Variants in HAGH observed in about 807,000 individuals in gnomAD.
HAGH encodes hydroxyacylglutathione hydrolase, also known as hydroxyacylglutathione hydrolase, mitochondrial.
In HAGH, 29 loss-of-function variants were observed where a neutral mutation model predicts 35.1. That is an observed-to-expected ratio of 0.83 (90% CI 0.62 to 1.13). The LOEUF is 1.13. Ranked by LOEUF, HAGH falls within the 50% of genes most tolerant of loss-of-function variation. HAGH has a pLI of 0.00. For missense variants in HAGH, 478 were observed against 419.6 expected (o/e 1.14, Z -1.22); for synonymous variants, 225 against 176.1 (o/e 1.28, Z -2.20).
rs548437625 is a variant in HAGH at position 1,826,761 on chromosome 16, G to A, written c.27C>T (p.Gly9=). 2.3e-5 allele frequency: 28 copies of A among 1,208,252 alleles called. No homozygotes were observed. The South Asian group carries it at 8.6e-4, about 37-fold the overall frequency. The allele number at this position is 1,208,252 out of a possible 1,614,324, so 74.8% of individuals were successfully genotyped here. The part of the protein sequence containing the change: MVVGRGLL[G]RRSLAALGAA... ...CTCCCAGCGCGGCGAGGCTGCGGCG[G>A]CCGAGCAGCCCTCGGCCCACCACCA... The change falls in exon 1 of 9, where the codon GGC becomes GGT. Residue 9 remains glycine (G), a synonymous_variant. Coordinates refer to ENST00000397356, the MANE Select transcript of HAGH (RefSeq NM_005326.6).
In HAGH at chr16:1,822,306, TG is replaced by T; in HGVS notation, c.307del (p.His103ThrfsTer19). The T allele has an allele frequency of 6.2e-7, 1 of 1,607,020 alleles. No homozygotes were observed. Among genetic ancestry groups the T allele is most frequent in the Non-Finnish European group, 8.5e-7 (1 of 1,174,288 alleles). On this transcript the variant is annotated frameshift_variant, in exon 3 of 9. Transcript: ENST00000397356. LOFTEE classifies it high-confidence loss of function. ...VKLTTVLTTH[H>X]HWDHAGGNEK... ...GGTGAGACGCGGCACTTACCAGTGG[TG>T]GTGGGTGGTGAGCACTGTGGTCAGT...
chr16:1,810,643 A>C (rs1897605386), intron 7 of HAGH: 1 of 153,116 alleles, frequency 6.5e-6, no homozygotes. Context: ...ACAGGGCGGC[A>C]ACAGCGGGGT....
intron 5 of HAGH, 33 bp from the exon 6 acceptor site, chr16:1,817,304 A>G (rs1336863691): frequency 7.3e-7 from 1 of 1,366,104 alleles, no homozygotes; most frequent in East Asian, 2.3e-5. Context: ...GGTGGGGGCC[A>G]CTTGAGGCTG....
chr16:1,826,999 C>T, upstream of HAGH: 1 of 666,424 alleles, frequency 1.5e-6, no homozygotes, highest in Non-Finnish European at 2.3e-6. Context: ...GGAGCGGCGG[C>T]GGCGGCCCGA....
rs948595017 is a variant in HAGH, at chr16:1,809,891, C to A, written c.748-58G>T. On this transcript the variant is annotated intron_variant, in intron 7 of 8. Coordinates refer to ENST00000397356, the MANE Select transcript of HAGH (RefSeq NM_005326.6). The stretch of plus-strand genomic sequence containing the variant: ...ACTTCACAGGATGGCAGACCAGGCA[C>A]GGAGGCTCACGTCTGTGATACCAGC... 6.3e-6 allele frequency: 8 copies of A among 1,275,980 alleles called. No individual in the cohort carries two copies. In the Admixed American group the frequency reaches 1.3e-4, roughly 22 times the overall value. The allele number at this position is 1,275,980 out of a possible 1,614,324, so 79.0% of individuals were successfully genotyped here.
In HAGH at chr16:1,820,005, A is replaced by G; in HGVS notation, c.324T>C (p.Ala108=). The G allele has an allele frequency of 6.2e-7, 1 of 1,611,088 alleles. No homozygotes were observed. Among genetic ancestry groups the G allele is most frequent in the African/African-American group, 1.3e-5 (1 of 74,972 alleles). Reference sequence around the variant, plus strand: ...GCTTGACCAGTTTCTCATTCCCGCCAGCATGGTCCCTAGAAGTCAAACAGG... The same window carrying G: ...GCTTGACCAGTTTCTCATTCCCGCCGGCATGGTCCCTAGAAGTCAAACAGG... ...VLTTHHHWDH[A]GGNEKLVKLE... Residue 108 remains alanine, a synonymous_variant, in exon 4 of 9, where the codon GCT becomes GCC. Coordinates refer to ENST00000397356, the MANE Select transcript of HAGH (RefSeq NM_005326.6).
chr16:1,821,952 GT>G (rs1167899761), intron 3 of HAGH: 3,828 of 105,040 alleles, frequency 0.036, 43 homozygotes, highest in Middle Eastern at 0.069. Flanking sequence ...TTGTTTTTTT[GT>G]TTTTTTTTTT....
intron 3 of HAGH, chr16:1,821,944 GTTTTTTTGTTT>G: frequency 1.4e-4 from 5 of 35,320 alleles, no homozygotes; most frequent in East Asian, 7.3e-4. Context: ...GTTTTTTTTT[GTTTTTTTGTTT>G]TTTTTTTTTT....
intron 1 of HAGH, among the ~76,000 whole-genome samples, chr16:1,824,717 G>A (rs528588977): frequency 1.6e-4 from 25 of 152,178 alleles, no homozygotes; most frequent in Non-Finnish European, 1.8e-4. Context: ...TTCCACAGCC[G>A]GGGAAACTGC....
At chr16:1,818,256 TC>T (rs1283429015) in intron 5 of HAGH, among the ~76,000 whole-genome samples, 1 of 151,824 alleles carries the variant, frequency 6.6e-6, no homozygotes, top group African/African-American at 2.4e-5. Context: ...AAATCTGAGG[TC>T]CCCAACTCCA....
Position 1,809,290 on chromosome 16 carries a change from C to CTGAA in HAGH, c.919_920insTTCA (p.Arg307LeufsTer16), listed in dbSNP as rs745599124. 6 of 1,607,748 alleles carry CTGAA rather than the reference C, an allele frequency of 3.7e-6. No individual in the cohort carries two copies. The highest frequency in any genetic ancestry group is 5.1e-6 in the Non-Finnish European group (6 of 1,175,226). ...TGAAGGTGCAGGGCGGCCTCAGTCC[C>CTGAA]GGGGCATCTTGAACTGGTCCTTCTC... On this transcript the variant is annotated frameshift_variant, in exon 9 of 9. Transcript: ENST00000397356. LOFTEE classifies it high-confidence loss of function.
Position 1,808,661 on chromosome 16 carries a change from C to T in HAGH, c.*622G>A, listed in dbSNP as rs1199244940. 2.6e-5 allele frequency: 4 copies of T among 152,374 alleles called. No homozygotes were observed. The highest frequency in any genetic ancestry group is 4.4e-5 in the Non-Finnish European group (3 of 68,220). The allele number at this position is 152,374 out of a possible 1,614,324, so 9.4% of individuals were successfully genotyped here. On this transcript the variant is annotated 3_prime_UTR_variant, in exon 9 of 9. Transcript: ENST00000397356. ...TGCCCTTCCCTCATAGACCCTCTGC[C>T]ACCAGCCACACCCAGAGCCGGGGCA...
chr16:1,823,782 T>C (rs1233225644), intron 1 of HAGH, among the ~76,000 whole-genome samples: 1 of 146,500 alleles, frequency 6.8e-6, no homozygotes, highest in Non-Finnish European at 1.5e-5. Flanking sequence ...AAGGAATATC[T>C]TCATATATCC....
rs1898215972 is a variant in HAGH at position 1,822,871 on chromosome 16, G to C, written c.243C>G (p.Pro81=). The C allele has an allele frequency of 1.2e-6, 2 of 1,613,428 alleles. No homozygotes were observed. The change falls in exon 2 of 9, where the codon CCC becomes CCG. Residue 81 remains proline (P), a synonymous_variant. Transcript: ENST00000397356. ...CAGGCACAGCCATGCGCACCTTCTG[G>C]GGCTGCACCGGATCCACAATGGCAG... ...KEAAIVDPVQ[P]QKVVDAARKH...
rs1555469124 is a variant in HAGH, at chr16:1,824,231, A to AC, written c.77-1195_77-1194insG. 2.5e-3 allele frequency among the ~76,000 whole-genome samples: 377 copies of AC among 150,654 alleles called. 2 individuals are homozygous for AC. The highest frequency in any genetic ancestry group is 2.6e-3 in the Non-Finnish European group (176 of 67,692). On this transcript the variant is annotated intron_variant, in intron 1 of 8. Coordinates refer to ENST00000397356, the MANE Select transcript of HAGH (RefSeq NM_005326.6). ...AGTGAGACAGTCTCAAAAAAAAAAA[A>AC]AAACAAACAAACAATACTTGCTCTT...
chr16:1,824,551 G>A (rs891137097), intron 1 of HAGH, among the ~76,000 whole-genome samples: 2 of 152,194 alleles, frequency 1.3e-5, no homozygotes, highest in Non-Finnish European at 2.9e-5. Flanking sequence ...CTCTACACGG[G>A]GAAGAAACCA....
intron 8 of HAGH, 163 bp downstream of exon 8, chr16:1,809,591 C>T: frequency 1.4e-6 from 1 of 692,132 alleles, no homozygotes; most frequent in Non-Finnish European, 2.5e-6. Context: ...CCAGGAAAGG[C>T]CGGACCCCCC....
At chr16:1,815,870 T>G (rs112235796) in intron 7 of HAGH, among the ~76,000 whole-genome samples, 33,327 of 151,040 alleles carry the variant, frequency 0.22, 3,749 homozygotes, top group South Asian at 0.29. Flanking sequence ...AGTAGAAAAA[T>G]TAGCTGGGCG....
intron 7 of HAGH, among the ~76,000 whole-genome samples, chr16:1,816,603 C>G (rs530642390): frequency 6.6e-6 from 1 of 152,354 alleles, no homozygotes; most frequent in African/African-American, 2.4e-5. Context: ...CCTGGAGAGC[C>G]AGCAGAGCCA....
Sources: gnomAD v4.1 joint callset for allele counts (sites outside exome capture counted in the v4.1 genomes callset) on GRCh38, gnomAD v4.1.1 for gene constraint, MANE v1.5 for transcripts, NCBI Gene and HGNC (gene_info 2026-07-23, HGNC 2026-07-21) for gene names.